Variants in PIP4K2A observed in about 807,000 individuals in gnomAD.
PIP4K2A encodes phosphatidylinositol-5-phosphate 4-kinase type 2 alpha.
Under a neutral mutation model 42.9 loss-of-function variants are expected in PIP4K2A, and 14 were observed. The observed-to-expected ratio is 0.33, with a 90% confidence interval of 0.22 to 0.51. The LOEUF is 0.51. PIP4K2A is among the 20% of genes least tolerant of loss of function. The pLI is 0.97. For missense variants in PIP4K2A, 434 were observed against 519.8 expected, an observed-to-expected ratio of 0.83 and a Z score of 1.61; for synonymous variants, 192 against 192.2, an observed-to-expected ratio of 1.00 and a Z score of 0.01.
chr10:22,579,635 G>A (rs894468667), intron 4 of PIP4K2A, among the ~76,000 whole-genome samples: 1 of 152,144 alleles, frequency 6.6e-6, no homozygotes, highest in African/African-American at 2.4e-5. Context: ...GCCGGGCATG[G>A]TGGCTCACGC....
At position 22,666,187 on chromosome 10, in the gene PIP4K2A, A is replaced by G. The variant is rs1488222033; in HGVS notation, c.144+47996T>C. On this transcript the variant is annotated intron_variant, in intron 1 of 9. Transcript: ENST00000376573. ...TTGTTTCCCAATAATGCTTTTACCA[A>G]TATTACATAGGGAAACACAGAAAAG... Among the ~76,000 whole-genome samples, 7 of 152,326 alleles carry G rather than the reference A, an allele frequency of 4.6e-5. 2 individuals are homozygous for G. The highest frequency in any genetic ancestry group is 1.2e-4 in the African/African-American group (5 of 41,582).
chr10:22,669,073 C>G (rs1294880633), intron 1 of PIP4K2A, among the ~76,000 whole-genome samples: 1 of 152,146 alleles, frequency 6.6e-6, no homozygotes. Context: ...ACTACATTCA[C>G]AAGTCTCACT....
At chr10:22,575,236 T>C (rs1837083028) in intron 4 of PIP4K2A, among the ~76,000 whole-genome samples, 1 of 152,214 alleles carries the variant, frequency 6.6e-6, no homozygotes, top group African/African-American at 2.4e-5. Flanking sequence ...AATTTTAATG[T>C]TACACCTGTT....
chr10:22,610,103 A>G (rs1837996062), intron 1 of PIP4K2A, among the ~76,000 whole-genome samples: 1 of 152,224 alleles, frequency 6.6e-6, no homozygotes, highest in Non-Finnish European at 1.5e-5. Flanking sequence ...AAAGCTTTTA[A>G]ATTTTTCACG....
At chr10:22,573,118 T>C (rs1837029029) in intron 5 of PIP4K2A, among the ~76,000 whole-genome samples, 193 bp downstream of exon 5, 2 of 152,214 alleles carry the variant, frequency 1.3e-5, no homozygotes, top group African/African-American at 4.8e-5. Flanking sequence ...ATGTGATATC[T>C]CTAACATGTG....
Position 22,567,909 on chromosome 10 carries a change from TA to T in PIP4K2A, c.640-21del. On this transcript the variant is annotated intron_variant, in intron 5 of 9. Transcript: ENST00000376573. ...AGAGCCCTGAAACACAAGGCAATAA[TA>T]AAAACATGCGCATGGGAGGCATTGG... 6.2e-7 allele frequency: 1 copy of T among 1,611,778 alleles called. No homozygotes were observed. The highest frequency in any genetic ancestry group is 8.5e-7 in the Non-Finnish European group (1 of 1,177,868).
intron 1 of PIP4K2A, among the ~76,000 whole-genome samples, chr10:22,618,529 G>A (rs1359995045): frequency 6.6e-6 from 1 of 152,150 alleles, no homozygotes; most frequent in Admixed American, 6.6e-5. Context: ...ACTTTCACTT[G>A]TTCTCCACAA....
chr10:22,579,225 T>C (rs906017085), intron 4 of PIP4K2A, among the ~76,000 whole-genome samples: 3 of 152,172 alleles, frequency 2.0e-5, no homozygotes, highest in Non-Finnish European at 4.4e-5. Context: ...GTTCTGGGAC[T>C]ATTACCGCAC....
At chr10:22,635,539 A>T (rs1194381317) in intron 1 of PIP4K2A, among the ~76,000 whole-genome samples, 1 of 152,234 alleles carries the variant, frequency 6.6e-6, no homozygotes, top group African/African-American at 2.4e-5. Flanking sequence ...TTGGAGCCAG[A>T]CCCTGAAGGA....
At chr10:22,683,259 G>T (rs1361944406) in intron 1 of PIP4K2A, among the ~76,000 whole-genome samples, 1 of 152,078 alleles carries the variant, frequency 6.6e-6, no homozygotes, top group Non-Finnish European at 1.5e-5. Flanking sequence ...TCATACCACC[G>T]AGTCAAGGCT....
intron 1 of PIP4K2A, among the ~76,000 whole-genome samples, chr10:22,667,924 G>T (rs1292602433): frequency 7.8e-6 from 1 of 128,484 alleles, no homozygotes; most frequent in African/African-American, 3.0e-5. Flanking sequence ...TGTAGAGAGG[G>T]GGAGGGAGGG....
chr10:22,657,888 A>G (rs1839131885), intron 1 of PIP4K2A, among the ~76,000 whole-genome samples: 1 of 151,940 alleles, frequency 6.6e-6, no homozygotes, highest in South Asian at 2.1e-4. Context: ...TTTCAAATCT[A>G]GTAGTTTTTT....
At chr10:22,550,525 C>G (rs755258492) in intron 7 of PIP4K2A, 134 bp downstream of exon 7, 33 of 680,520 alleles carry the variant, frequency 4.8e-5, no homozygotes, top group Non-Finnish European at 8.4e-5. Context: ...ACCTTCATGT[C>G]TGACTTCCCT....
intron 1 of PIP4K2A, among the ~76,000 whole-genome samples, chr10:22,690,246 A>T (rs896430440): frequency 9.2e-5 from 14 of 152,214 alleles, no homozygotes; most frequent in African/African-American, 3.4e-4. Context: ...CCCACGTTGT[A>T]TAAATAATAA....
At chr10:22,538,662 T>G (rs1002922211) in intron 9 of PIP4K2A, among the ~76,000 whole-genome samples, 2 of 152,110 alleles carry the variant, frequency 1.3e-5, no homozygotes, top group African/African-American at 4.8e-5. Context: ...TGAAGACCCC[T>G]CCCTCACCCT....
chr10:22,668,423 T>TG (rs1293431235), intron 1 of PIP4K2A, among the ~76,000 whole-genome samples: 10 of 152,188 alleles, frequency 6.6e-5, no homozygotes, highest in Admixed American at 5.9e-4. Flanking sequence ...ACAGTGTTTT[T>TG]TTTGTTTGTT....
chr10:22,665,017 T>C (rs181985062), intron 1 of PIP4K2A, among the ~76,000 whole-genome samples: 1 of 152,302 alleles, frequency 6.6e-6, no homozygotes, highest in East Asian at 1.9e-4. Flanking sequence ...ATTATTGTAA[T>C]AGCAATACCC....
At chr10:22,688,391 G>A (rs373928122) in intron 1 of PIP4K2A, among the ~76,000 whole-genome samples, 11 of 152,146 alleles carry the variant, frequency 7.2e-5, no homozygotes, top group African/African-American at 1.4e-4. Flanking sequence ...ATTTCCTTAC[G>A]TGGTTCTTTG....
At chr10:22,707,179 A>G (rs1197370082) in intron 1 of PIP4K2A, among the ~76,000 whole-genome samples, 3 of 152,224 alleles carry the variant, frequency 2.0e-5, no homozygotes, top group Non-Finnish European at 2.9e-5. Context: ...GCCAGCAACT[A>G]TTTAGGCATC....
Sources: allele counts gnomAD v4.1 joint callset (sites outside exome capture counted in the v4.1 genomes callset), GRCh38; gene constraint gnomAD v4.1.1; transcripts MANE v1.5; gene names NCBI Gene and HGNC (gene_info 2026-07-23, HGNC 2026-07-21).